The following RASSF2 variants were observed in gnomAD, a reference collection of about 807,000 sequenced individuals.
The protein encoded by RASSF2 is ras association domain-containing protein 2.
RASSF2 carries 34 observed loss-of-function variants against 46.3 expected under a neutral mutation model. That is an observed-to-expected ratio of 0.73 (90% CI 0.56 to 0.98). The LOEUF (loss-of-function observed/expected upper bound fraction) is 0.98. RASSF2 is among the 50% of genes least tolerant of loss of function. The probability of loss-of-function intolerance (pLI) is 0.00; values close to 1 mark genes in which losing one functional copy is unlikely to be tolerated. For synonymous variants in RASSF2, 158 were observed against 162.5 expected (o/e 0.97, Z 0.21); for missense variants, 364 against 431.2 (o/e 0.84, Z 1.38).
At chr20:4,807,034 G>A (rs1927387713) in intron 2 of RASSF2, among the ~76,000 whole-genome samples, 3 of 152,034 alleles carry the variant, frequency 2.0e-5, no homozygotes, top group Admixed American at 2.0e-4. Context: ...AAACTATCTG[G>A]TTCTACAGAA....
chr20:4,795,691 A>C lies in RASSF2; in HGVS notation c.287+124T>G. The C allele has an allele frequency of 1.1e-5, 13 of 1,195,708 alleles. No homozygotes were observed. Among genetic ancestry groups the C allele is most frequent in the Non-Finnish European group, 1.5e-5 (13 of 863,392 alleles). 74.1% of individuals were successfully genotyped at this position (1,195,708 alleles called of 1,614,324 possible). ...TCCAAGGCTAAGGCAGGTGGGCAGTAGAGGTAGTAGGAGGAGGAGCCAGGG... is the reference window on the plus strand; with the variant it reads ...TCCAAGGCTAAGGCAGGTGGGCAGTCGAGGTAGTAGGAGGAGGAGCCAGGG... On this transcript the variant is annotated intron_variant, in intron 5 of 11. Coordinates refer to ENST00000379400, the MANE Select transcript of RASSF2 (RefSeq NM_014737.3). The surrounding 1 kb of genome is among the most constrained non-coding windows in gnomAD (Gnocchi z 4.0).
chr20:4,792,501 T>C (rs779497065), intron 6 of RASSF2, 38 bp downstream of exon 6: 1 of 1,613,372 alleles, frequency 6.2e-7, no homozygotes, highest in Non-Finnish European at 8.5e-7. Context: ...CTTCACACAG[T>C]TGGTCCCTAG....
rs1274197083 is a variant in RASSF2 at position 4,786,316 on chromosome 20, T to C, written c.826A>G (p.Ile276Val). The C allele has an allele frequency of 6.2e-7, 1 of 1,607,978 alleles. No individual in the cohort carries two copies. Among genetic ancestry groups the C allele is most frequent in the South Asian group, 1.1e-5 (1 of 90,948 alleles). ...EEVTYDVAQY[I>V]KFEMPVLKSF... ...TTAAGTACCGGCATCTCGAACTTTA[T>C]ATACTGGGCCACCTAGAGAGAAAGA... is the stretch of plus-strand genomic sequence containing the variant. The change falls in exon 11 of 12, where the codon ATA (isoleucine) becomes GTA (valine). Residue 276 changes from isoleucine (I) to valine (V), a missense_variant. Physicochemically the swap from Ile to Val is conservative, Grantham distance 29. Coordinates refer to ENST00000379400, the MANE Select transcript of RASSF2 (RefSeq NM_014737.3).
intron 2 of RASSF2, among the ~76,000 whole-genome samples, chr20:4,820,390 G>A (rs545765031): frequency 6.6e-6 from 1 of 151,954 alleles, no homozygotes; most frequent in Non-Finnish European, 1.5e-5. Flanking sequence ...ATATGCCTGG[G>A]GTCTCAGCTC....
intron 2 of RASSF2, among the ~76,000 whole-genome samples, chr20:4,816,749 A>G (rs1928341871): frequency 6.6e-6 from 1 of 152,188 alleles, no homozygotes; most frequent in Non-Finnish European, 1.5e-5. Flanking sequence ...ACATCCTTCC[A>G]GATGCTAATA....
chr20:4,811,165 T>C (rs1211773170), intron 2 of RASSF2, among the ~76,000 whole-genome samples: 1 of 151,984 alleles, frequency 6.6e-6, no homozygotes, highest in Non-Finnish European at 1.5e-5. Flanking sequence ...TGGGCAACAT[T>C]GTGAGACCCC....
chr20:4,802,537 C>A (rs147119119), intron 2 of RASSF2, among the ~76,000 whole-genome samples: 1 of 152,220 alleles, frequency 6.6e-6, no homozygotes, highest in East Asian at 1.9e-4. Flanking sequence ...CATGGGTGAA[C>A]CTTGAAGACA....
rs1427084907 is a variant in RASSF2, at chr20:4,795,906, T to C, written c.196A>G (p.Ile66Val). The C allele has an allele frequency of 1.2e-6, 2 of 1,606,060 alleles. No individual in the cohort carries two copies. The highest frequency in any genetic ancestry group is 2.2e-5 in the South Asian group (2 of 90,552). ...TTGTCATCCTGCATCTGCAGGCGAA[T>C]GGGCCGGCGCAGGCCCCAGGAGATG... Reference protein sequence around the residue: ...LNISWGLRRPIRLQMQDDNER... With the variant: ...LNISWGLRRPVRLQMQDDNER... Residue 66 changes from isoleucine (I) to valine (V), a missense_variant, in exon 5 of 12, where the codon ATT (isoleucine) becomes GTT (valine). Transcript: ENST00000379400. This position sits in a 1 kb window ranked among gnomAD's most constrained non-coding sequence, Gnocchi z 4.0.
Position 4,790,425 on chromosome 20 carries a change from C to T in RASSF2, c.537+26G>A, listed in dbSNP as rs371362653. On this transcript the variant is annotated intron_variant, in intron 7 of 11. Transcript: ENST00000379400. This position sits in a 1 kb window ranked among gnomAD's most constrained non-coding sequence, Gnocchi z 4.3. ...ATCTACCCAGGAAGAGGTCTTCCAC[C>T]CTCCCCGTCCCCCTGTCCACCTTAC... The T allele has an allele frequency of 2.9e-5, 42 of 1,428,336 alleles. No homozygotes were observed. The African/African-American group carries it at 6.1e-4, about 21-fold the overall frequency. The allele number at this position is 1,428,336 out of a possible 1,614,324, so 88.5% of individuals were successfully genotyped here.
chr20:4,784,394 C>T (rs748851237), intron 11 of RASSF2, 52 bp from the exon 12 acceptor site: 5 of 1,559,992 alleles, frequency 3.2e-6, no homozygotes, highest in African/African-American at 1.4e-5. Flanking sequence ...CACACCCCTG[C>T]CCAGGACCTT....
intron 4 of RASSF2, 75 bp from the exon 5 acceptor site, chr20:4,796,041 G>C: frequency 7.0e-7 from 1 of 1,424,828 alleles, no homozygotes; most frequent in Non-Finnish European, 9.3e-7. Flanking sequence ...AGGGACAAAT[G>C]ACACATTCTT....
chr20:4,789,033 A>G lies in RASSF2; in HGVS notation c.639+563T>C, dbSNP rs549958868. On this transcript the variant is annotated intron_variant, in intron 8 of 11. Coordinates refer to ENST00000379400, the MANE Select transcript of RASSF2 (RefSeq NM_014737.3). ...CTGTGTTCTTAGGTTGTTAGGCTACACTGGCTTCCATTAAAAATAAGAACA... is the reference window on the plus strand; with the variant it reads ...CTGTGTTCTTAGGTTGTTAGGCTACGCTGGCTTCCATTAAAAATAAGAACA... 2.6e-5 allele frequency among the ~76,000 whole-genome samples: 4 copies of G among 152,302 alleles called. No homozygotes were observed. In the South Asian group the frequency reaches 6.2e-4, roughly 24 times the overall value.
intron 2 of RASSF2, among the ~76,000 whole-genome samples, chr20:4,805,441 C>T (rs1927267515): frequency 2.6e-5 from 4 of 152,058 alleles, no homozygotes; most frequent in African/African-American, 9.7e-5. Flanking sequence ...GCCTCAGAGC[C>T]CCTGGTGCGA....
At chr20:4,785,408 G>A (rs1447474450) in intron 11 of RASSF2, among the ~76,000 whole-genome samples, 2 of 152,176 alleles carry the variant, frequency 1.3e-5, no homozygotes, top group Non-Finnish European at 2.9e-5. Flanking sequence ...TGTGTTATCA[G>A]ACTAGTTATG....
intron 2 of RASSF2, among the ~76,000 whole-genome samples, chr20:4,810,927 C>T (rs1927737363): frequency 6.6e-6 from 1 of 152,130 alleles, no homozygotes; most frequent in Non-Finnish European, 1.5e-5. Context: ...TTGCCAAAGC[C>T]TGGACTGAAA....
intron 2 of RASSF2, among the ~76,000 whole-genome samples, chr20:4,821,309 G>A (rs187551253): frequency 2.0e-5 from 3 of 152,168 alleles, no homozygotes; most frequent in South Asian, 2.1e-4. Flanking sequence ...GAGGTGGGCC[G>A]CAGAGCACTA....
chr20:4,798,074 A>G lies in RASSF2; in HGVS notation c.71T>C (p.Leu24Pro). ...CAAGTTGTAGGTCTTCAGATGCAAG[A>G]GAAGTTCATTTCTTAGGGGGAAAAA... ...QDKYISKNELLLHLKTYNLYY... is the reference protein window; with the variant it reads ...QDKYISKNELPLHLKTYNLYY... Residue 24 changes from leucine to proline, a missense_variant, in exon 4 of 12, where the codon CTC becomes CCC. Transcript: ENST00000379400. 1.2e-6 allele frequency: 2 copies of G among 1,613,846 alleles called. No homozygotes were observed. The highest frequency in any genetic ancestry group is 4.5e-5 in the East Asian group (2 of 44,880).
rs1924653835 is a variant in RASSF2 at position 4,780,116 on chromosome 20, G to A, written c.*4157C>T. 1 of 152,400 alleles carries A rather than the reference G, an allele frequency of 6.6e-6. No individual in the cohort carries two copies. The highest frequency in any genetic ancestry group is 6.5e-5 in the Admixed American group (1 of 15,272). 9.4% of individuals were successfully genotyped at this position (152,400 alleles called of 1,614,324 possible). On this transcript the variant is annotated 3_prime_UTR_variant, in exon 12 of 12. Coordinates refer to ENST00000379400, the MANE Select transcript of RASSF2 (RefSeq NM_014737.3). ...AAAAATGTATGGCTCCCTTGCTGAGGCCCTGTCAGATTATGTTAGATGAGT... is the reference window on the plus strand; with the variant it reads ...AAAAATGTATGGCTCCCTTGCTGAGACCCTGTCAGATTATGTTAGATGAGT...
chr20:4,798,019 C>G lies in RASSF2; in HGVS notation c.126G>C (p.Arg42=). The change falls in exon 4 of 12, where the codon CGG becomes CGC. Residue 42 remains arginine (R), a synonymous_variant. Coordinates refer to ENST00000379400, the MANE Select transcript of RASSF2 (RefSeq NM_014737.3). ...LYYEGQNLQL[R]HREEEDEFIV... is the part of the protein sequence containing the mutation. ...CCTGGGGACTCCTTACCTCCCGGTG[C>G]CGGAGCTGTAAATTCTGGCCTTCAT... 6.2e-7 allele frequency: 1 copy of G among 1,613,896 alleles called. No homozygotes were observed. The highest frequency in any genetic ancestry group is 8.5e-7 in the Non-Finnish European group (1 of 1,179,904).
Sources: gnomAD v4.1 joint callset for allele counts (sites outside exome capture counted in the v4.1 genomes callset) on GRCh38, gnomAD v4.1.1 for gene constraint, Gnocchi (gnomAD v3.1) non-coding constraint, MANE v1.5 for transcripts, NCBI Gene and HGNC (gene_info 2026-07-23, HGNC 2026-07-21) for gene names.